The following STIM2 variants were observed in gnomAD, a reference collection of about 807,000 sequenced individuals.
STIM2 encodes stromal interaction molecule 2.
STIM2 carries 31 observed loss-of-function variants against 85.8 expected under a neutral mutation model. The ratio of observed to expected loss-of-function variants is 0.36; its 90% CI spans 0.27 to 0.49. The LOEUF (loss-of-function observed/expected upper bound fraction) is 0.49. Ranked by LOEUF, STIM2 falls within the 20% of genes least tolerant of loss-of-function variation. STIM2 has a pLI of 0.98. For missense variants in STIM2, 841 were observed against 927.6 expected, an observed-to-expected ratio of 0.91 and a Z score of 1.21; for synonymous variants, 356 against 331.1, an observed-to-expected ratio of 1.08 and a Z score of -0.82.
intron 10 of STIM2, among the ~76,000 whole-genome samples, chr4:27,014,415 C>G (rs1384611186): frequency 6.6e-6 from 1 of 151,162 alleles, no homozygotes; most frequent in Non-Finnish European, 1.5e-5. Context: ...TAATATGTCA[C>G]TTCCTTGAAA....
chr4:26,861,164 C>T lies in STIM2; in HGVS notation c.-55C>T, dbSNP rs749247653. ...CTTCTCCTCGGCGCCTTCATCCCGC[C>T]TCGACTCCTGGCCCAGCGTGGGGCT... is the stretch of plus-strand genomic sequence containing the variant. On this transcript the variant is annotated 5_prime_UTR_variant, in exon 1 of 12. Coordinates refer to ENST00000467087, the MANE Select transcript of STIM2 (RefSeq NM_020860.4). The T allele has an allele frequency of 3.1e-5, 42 of 1,369,942 alleles. No individual in the cohort carries two copies. The highest frequency in any genetic ancestry group is 2.8e-4 in the Middle Eastern group (1 of 3,616). 84.9% of individuals were successfully genotyped at this position (1,369,942 alleles called of 1,614,324 possible).
intron 2 of STIM2, among the ~76,000 whole-genome samples, chr4:26,945,101 C>A (rs1725765414): frequency 6.6e-6 from 1 of 152,112 alleles, no homozygotes; most frequent in Non-Finnish European, 1.5e-5. Context: ...CTTTTTACCC[C>A]CCACCCTCTG....
chr4:27,020,705 C>T (rs542534606), intron 11 of STIM2, among the ~76,000 whole-genome samples: 46 of 152,252 alleles, frequency 3.0e-4, no homozygotes, highest in Admixed American at 9.2e-4. Flanking sequence ...ACATCAGTAA[C>T]ATGAAAATGA....
chr4:26,934,347 C>A (rs940739265), intron 2 of STIM2, among the ~76,000 whole-genome samples: 5 of 152,174 alleles, frequency 3.3e-5, no homozygotes, highest in African/African-American at 1.2e-4. Context: ...GACCACTGTG[C>A]TAATGAATTG....
At chr4:26,887,183 C>CTTTTTTTT (rs34736602) in intron 1 of STIM2, among the ~76,000 whole-genome samples, 9 of 70,950 alleles carry the variant, frequency 1.3e-4, no homozygotes, top group East Asian at 4.8e-4. Context: ...AATAATTAAA[C>CTTTTTTTT]TTTTTTTTTT....
In STIM2 at chr4:26,861,207, C is replaced by T; in HGVS notation, c.-12C>T. 1 of 1,468,348 alleles carries T rather than the reference C, an allele frequency of 6.8e-7. No homozygotes were observed. The highest frequency in any genetic ancestry group is 1.4e-5 in the African/African-American group (1 of 68,974). The allele number at this position is 1,468,348 out of a possible 1,614,324, so 91.0% of individuals were successfully genotyped here. ...GTGGGGCTGGCTGCTGCGGCGGCGG[C>T]GCTGGGCTGCGTTGCTGGTGCTCGG... On this transcript the variant is annotated 5_prime_UTR_variant, in exon 1 of 12. Transcript: ENST00000467087.
chr4:26,882,287 T>C (rs12505133), intron 1 of STIM2, among the ~76,000 whole-genome samples: 30,316 of 152,082 alleles, frequency 0.2, 3,159 homozygotes, highest in Admixed American at 0.25. Flanking sequence ...AATAAGTTAA[T>C]TGTGGTTTCA....
In STIM2 at chr4:26,883,400, T is replaced by C. The variant is rs1004695319; in HGVS notation, c.151+22031T>C. ...TGGTAAGGATTAAATTGGAAACATA[T>C]GTATGCACATATATACCTGTCTTAT... On this transcript the variant is annotated intron_variant, in intron 1 of 11. Coordinates refer to ENST00000467087, the MANE Select transcript of STIM2 (RefSeq NM_020860.4). Among the ~76,000 whole-genome samples the C allele has an allele frequency of 2.0e-5, 3 of 152,108 alleles. No individual in the cohort carries two copies. The South Asian group carries it at 6.2e-4, about 31-fold the overall frequency.
At chr4:26,893,470 G>A (rs1304604086) in intron 1 of STIM2, among the ~76,000 whole-genome samples, 3 of 152,082 alleles carry the variant, frequency 2.0e-5, no homozygotes. Flanking sequence ...TGTGAGATTT[G>A]TCCATTTTGT....
At chr4:26,982,891 C>G (rs1212987201) in intron 3 of STIM2, among the ~76,000 whole-genome samples, 1 of 152,186 alleles carries the variant, frequency 6.6e-6, no homozygotes, top group Non-Finnish European at 1.5e-5. Flanking sequence ...ACTTCACTGA[C>G]AGTGAAAACT....
At chr4:26,900,148 A>G (rs975105691) in intron 1 of STIM2, among the ~76,000 whole-genome samples, 1 of 152,216 alleles carries the variant, frequency 6.6e-6, no homozygotes, top group Admixed American at 6.5e-5. Context: ...TATAGGAAAT[A>G]GAAGCCACAG....
intron 1 of STIM2, among the ~76,000 whole-genome samples, chr4:26,899,970 G>C (rs893924445): frequency 1.3e-5 from 2 of 152,046 alleles, no homozygotes; most frequent in Non-Finnish European, 2.9e-5. Context: ...CTCACATTTT[G>C]CATTTGTAAA....
At chr4:27,003,673 T>C (rs540797657) in intron 7 of STIM2, among the ~76,000 whole-genome samples, 44 of 151,622 alleles carry the variant, frequency 2.9e-4, no homozygotes, top group Non-Finnish European at 5.7e-4. Context: ...CTGTTCCTGC[T>C]GTAAAAAGAA....
chr4:26,976,519 CTTTA>C (rs1727202857), intron 3 of STIM2, among the ~76,000 whole-genome samples: 1 of 150,798 alleles, frequency 6.6e-6, no homozygotes, highest in Non-Finnish European at 1.5e-5. Context: ...CACCTGCTTT[CTTTA>C]TTTATATATA....
In STIM2 at chr4:26,947,674, C is replaced by T. The variant is rs558662068; in HGVS notation, c.283-9938C>T. On this transcript the variant is annotated intron_variant, in intron 2 of 11. Coordinates refer to ENST00000467087, the MANE Select transcript of STIM2 (RefSeq NM_020860.4). ...CATCTTCCTGCTCGCCAGCCCTAGA[C>T]CTGTTGGAGCATAAAGCGCTTCCTC... Among the ~76,000 whole-genome samples, 8 of 152,300 alleles carry T rather than the reference C, an allele frequency of 5.3e-5. 1 individual carries two copies. The East Asian group carries it at 1.5e-3, about 29-fold the overall frequency.
chr4:26,977,930 G>A (rs1429368850), intron 3 of STIM2, among the ~76,000 whole-genome samples: 2 of 152,116 alleles, frequency 1.3e-5, no homozygotes, highest in Non-Finnish European at 2.9e-5. Flanking sequence ...GGACCTAGAC[G>A]CTTAGTGAAG....
rs1234782360 is a variant in STIM2 at position 27,002,219 on chromosome 4, C to A, written c.628C>A (p.Pro210Thr). Residue 210 changes from proline to threonine, a missense_variant and splice_region_variant, in exon 6 of 12, where the codon CCA becomes ACA. Coordinates refer to ENST00000467087, the MANE Select transcript of STIM2 (RefSeq NM_020860.4). ...ATCATCTGTAATTCTTTTAATAGGC[C>A]CACCTCATAACTGGATGAAAGATTT... The A allele has an allele frequency of 1.3e-6, 2 of 1,594,894 alleles. No individual in the cohort carries two copies. The highest frequency in any genetic ancestry group is 2.2e-5 in the East Asian group (1 of 44,496).
chr4:27,017,203 G>C (rs1484257558), intron 10 of STIM2, among the ~76,000 whole-genome samples: 2 of 152,206 alleles, frequency 1.3e-5, no homozygotes, highest in Non-Finnish European at 2.9e-5. Context: ...GGGTGTTCAA[G>C]AAACAAGTTT....
intron 1 of STIM2, among the ~76,000 whole-genome samples, chr4:26,868,565 A>C (rs1577404284): frequency 6.6e-6 from 1 of 152,218 alleles, no homozygotes; most frequent in East Asian, 1.9e-4. Flanking sequence ...AGTGATTTGT[A>C]GTTTCTTACA....
Sources: gnomAD v4.1 joint callset for allele counts (sites outside exome capture counted in the v4.1 genomes callset) on GRCh38, gnomAD v4.1.1 for gene constraint, MANE v1.5 for transcripts, NCBI Gene and HGNC (gene_info 2026-07-23, HGNC 2026-07-21) for gene names.